BLM: variants seen among roughly 807,000 people sequenced by gnomAD.
BLM encodes BLM RecQ like helicase.
In BLM, 95 loss-of-function variants were observed where a neutral mutation model predicts 135.3. The observed-to-expected ratio is 0.70, with a 90% confidence interval of 0.59 to 0.83. BLM has a LOEUF of 0.83. BLM is among the 40% of genes least tolerant of loss of function. BLM has a pLI of 0.00. For missense variants in BLM, 1,518 were observed against 1,663.9 expected (o/e 0.91, Z 1.53); for synonymous variants, 520 against 589.2 (o/e 0.88, Z 1.70).
intron 10 of BLM, 134 bp downstream of exon 10, chr15:90,767,157 T>C: frequency 1.7e-6 from 1 of 586,448 alleles, no homozygotes. Flanking sequence ...CCCCAAATGG[T>C]AACATTTTAC....
chr15:90,734,418 G>T (rs1316444581), intron 1 of BLM, among the ~76,000 whole-genome samples: 1 of 151,360 alleles, frequency 6.6e-6, no homozygotes, highest in Non-Finnish European at 1.5e-5. Context: ...CTCCCAAGTC[G>T]CTGGGATTAC....
At chr15:90,793,906 A>G (rs1449007073) in intron 15 of BLM, 1 of 249,852 alleles carries the variant, frequency 4.0e-6, no homozygotes, top group Non-Finnish European at 7.7e-6. Context: ...AAATACAGCA[A>G]ATATAAGTCA....
In BLM at chr15:90,769,483, C is replaced by T. The variant is rs1279814185; in HGVS notation, c.2452C>T (p.Arg818Cys). Residue 818 changes from arginine to cysteine, a missense_variant, in exon 12 of 22, where the codon CGC becomes TGC. By Grantham distance (180) the Arg-to-Cys change is radical. Transcript: ENST00000355112. The stretch of plus-strand genomic sequence containing the variant: ...AGATTACAAAAGAATGAATATGCTT[C>T]GCCAGAAGTTTCCTTCTGTTCCGGT... ...RQDYKRMNML[R>C]QKFPSVPVMA... 8.7e-6 allele frequency: 14 copies of T among 1,614,034 alleles called. No individual in the cohort carries two copies. The highest frequency in any genetic ancestry group is 5.0e-5 in the Admixed American group (3 of 60,010).
At position 90,751,839 on chromosome 15, in the gene BLM, GA is replaced by G. The variant is rs2151149598; in HGVS notation, c.855del (p.Val286PhefsTer37). On this transcript the variant is annotated frameshift_variant, in exon 4 of 22. Coordinates refer to ENST00000355112, the MANE Select transcript of BLM (RefSeq NM_000057.4). LOFTEE classifies it high-confidence loss of function. ...LEEAELHSTE[K>X]VPCIEFDDDD... ...AAGAAGCTGAATTACATTCAACTGAGAAAGTTCCATGTATTGAATTTGATGA... is the reference window on the plus strand; with the variant it reads ...AAGAAGCTGAATTACATTCAACTGAGAAGTTCCATGTATTGAATTTGATGA... The G allele has an allele frequency of 6.2e-7, 1 of 1,612,852 alleles. No homozygotes were observed. Among genetic ancestry groups the G allele is most frequent in the Non-Finnish European group, 8.5e-7 (1 of 1,178,930 alleles).
intron 20 of BLM, among the ~76,000 whole-genome samples, chr15:90,809,531 C>T (rs1399670072): frequency 6.6e-6 from 1 of 152,180 alleles, no homozygotes. Flanking sequence ...CTCAAGGGAT[C>T]AGAGCCCTGG....
chr15:90,745,560 C>T (rs976838529), intron 1 of BLM, among the ~76,000 whole-genome samples: 1 of 152,058 alleles, frequency 6.6e-6, no homozygotes, highest in Non-Finnish European at 1.5e-5. Flanking sequence ...CAGGCCCGCA[C>T]CACCATGCCA....
rs1278391132 is a variant in BLM, at chr15:90,788,784, G to T, written c.2824-1865G>T. ...GCCTAGGAGTTCAAGACCAGCCCAGGCAACATGGCGAAACCCCATCTCTAC... is the reference window on the plus strand; with the variant it reads ...GCCTAGGAGTTCAAGACCAGCCCAGTCAACATGGCGAAACCCCATCTCTAC... On this transcript the variant is annotated intron_variant, in intron 14 of 21. Coordinates refer to ENST00000355112, the MANE Select transcript of BLM (RefSeq NM_000057.4). 4.6e-5 allele frequency among the ~76,000 whole-genome samples: 7 copies of T among 151,712 alleles called. No homozygotes were observed. The South Asian group carries it at 1.5e-3, about 32-fold the overall frequency.
intron 5 of BLM, among the ~76,000 whole-genome samples, chr15:90,757,663 C>T (rs1352832938): frequency 6.6e-6 from 1 of 152,158 alleles, no homozygotes; most frequent in African/African-American, 2.4e-5. Flanking sequence ...TCCTGTCCTT[C>T]CTGGCTTGTA....
At chr15:90,791,379 A>C (rs1167186041) in intron 15 of BLM, among the ~76,000 whole-genome samples, 1 of 152,120 alleles carries the variant, frequency 6.6e-6, no homozygotes, top group Non-Finnish European at 1.5e-5. Context: ...ACATATTTTA[A>C]AATGTAAATG....
chr15:90,747,701 A>T (rs1239555300), intron 2 of BLM: 4 of 498,248 alleles, frequency 8.0e-6, no homozygotes, highest in Non-Finnish European at 7.2e-6. Flanking sequence ...CCTGGCACAT[A>T]ATATTTGCTC....
At chr15:90,807,208 G>A (rs923350457) in intron 19 of BLM, among the ~76,000 whole-genome samples, 1 of 152,190 alleles carries the variant, frequency 6.6e-6, no homozygotes, top group Non-Finnish European at 1.5e-5. Context: ...GAAGGTGGTG[G>A]TTTCTTGATG....
At chr15:90,795,605 A>T (rs1405281381) in intron 16 of BLM, among the ~76,000 whole-genome samples, 4 of 151,190 alleles carry the variant, frequency 2.6e-5, no homozygotes, top group African/African-American at 7.3e-5. Flanking sequence ...ACCCCACCCC[A>T]TCCCTTAAAC....
In BLM at chr15:90,719,670, T is replaced by G. The variant is rs1894715003; in HGVS notation, c.-5+2230T>G. 2.0e-5 allele frequency among the ~76,000 whole-genome samples: 3 copies of G among 152,274 alleles called. No individual in the cohort carries two copies. The South Asian group carries it at 6.2e-4, about 32-fold the overall frequency. Reference sequence around the variant, plus strand: ...AGTTTAACTTTTTAAATTTGGTTGGTGGGTACATGGGTGTAATTCTATTTT... The same window carrying G: ...AGTTTAACTTTTTAAATTTGGTTGGGGGGTACATGGGTGTAATTCTATTTT... On this transcript the variant is annotated intron_variant, in intron 1 of 21. Coordinates refer to ENST00000355112, the MANE Select transcript of BLM (RefSeq NM_000057.4).
At chr15:90,745,603 G>T (rs1321372308) in intron 1 of BLM, among the ~76,000 whole-genome samples, 1 of 152,016 alleles carries the variant, frequency 6.6e-6, no homozygotes, top group Non-Finnish European at 1.5e-5. Flanking sequence ...TAGAGACAGG[G>T]TTTTGCCATG....
At chr15:90,726,708 T>C (rs1894927562) in intron 1 of BLM, among the ~76,000 whole-genome samples, 1 of 152,252 alleles carries the variant, frequency 6.6e-6, no homozygotes, top group African/African-American at 2.4e-5. Context: ...TTCTGTTCTT[T>C]ATTCCACTTA....
intron 1 of BLM, among the ~76,000 whole-genome samples, chr15:90,728,717 T>C (rs573227328): frequency 1.3e-5 from 2 of 152,232 alleles, no homozygotes; most frequent in East Asian, 3.9e-4. Context: ...GGTATTTAAA[T>C]TTTTGATGTC....
rs1036249093 is a variant in BLM at position 90,781,802 on chromosome 15, A to C, written c.2556-1020A>C. Among the ~76,000 whole-genome samples the C allele has an allele frequency of 5.9e-5, 9 of 152,260 alleles. No individual in the cohort carries two copies. In the South Asian group the frequency reaches 1.7e-3, roughly 28 times the overall value. Reference sequence around the variant, plus strand: ...TGGATGAGCTTGAGTACCTGGTCAAAATTTGGGAACATTGATGGCCTAAAA... The same window carrying C: ...TGGATGAGCTTGAGTACCTGGTCAACATTTGGGAACATTGATGGCCTAAAA... On this transcript the variant is annotated intron_variant, in intron 12 of 21. Coordinates refer to ENST00000355112, the MANE Select transcript of BLM (RefSeq NM_000057.4).
intron 12 of BLM, among the ~76,000 whole-genome samples, chr15:90,779,732 C>T (rs1412748133): frequency 6.6e-6 from 1 of 152,176 alleles, no homozygotes. Flanking sequence ...TGAAGGTCAT[C>T]TTCATTCCCA....
intron 16 of BLM, among the ~76,000 whole-genome samples, chr15:90,797,414 C>CAAAAAAAAAAAAAAAA (rs56369282): frequency 2.7e-5 from 3 of 109,604 alleles, no homozygotes; most frequent in African/African-American, 8.5e-5. Flanking sequence ...AACTCCATCT[C>CAAAAAAAAAAAAAAAA]AAAAAAAAAA....
Sources: allele counts gnomAD v4.1 joint callset (sites outside exome capture counted in the v4.1 genomes callset), GRCh38; gene constraint gnomAD v4.1.1; transcripts MANE v1.5; gene names NCBI Gene and HGNC (gene_info 2026-07-23, HGNC 2026-07-21).